ZNF704: variants seen among roughly 807,000 people sequenced by gnomAD.
The protein encoded by ZNF704 is zinc finger protein 704, also known as glucocorticoid induced gene 1.
Under a neutral mutation model 44.7 loss-of-function variants are expected in ZNF704, and 10 were observed. The ratio of observed to expected loss-of-function variants is 0.22; its 90% CI spans 0.14 to 0.38. The LOEUF (loss-of-function observed/expected upper bound fraction) is 0.38. ZNF704 is among the 10% of genes least tolerant of loss of function. The pLI is 1.00. For missense variants in ZNF704, 390 were observed against 545.5 expected (o/e 0.71, Z 2.84); for synonymous variants, 211 against 207.6 (o/e 1.02, Z -0.14).
chr8:80,671,381 A>G (rs552502218), intron 4 of ZNF704, among the ~76,000 whole-genome samples: 19 of 152,332 alleles, frequency 1.2e-4, no homozygotes, highest in Non-Finnish European at 1.9e-4. Context: ...GCCATGATTG[A>G]GAGCACTGAT....
chr8:80,739,684 A>G (rs1806723521), intron 2 of ZNF704, among the ~76,000 whole-genome samples: 1 of 152,322 alleles, frequency 6.6e-6, no homozygotes, highest in South Asian at 2.1e-4. Flanking sequence ...CCAGGGAAAA[A>G]GAAAATGACT....
intron 7 of ZNF704, chr8:80,645,050 A>G (rs916156512): frequency 1.7e-5 from 23 of 1,363,098 alleles, no homozygotes; most frequent in African/African-American, 1.4e-4. Context: ...TCCTCCATTC[A>G]GATTCAGACA....
chr8:80,740,081 C>T (rs1039965583), intron 2 of ZNF704, among the ~76,000 whole-genome samples: 7 of 152,302 alleles, frequency 4.6e-5, no homozygotes, highest in South Asian at 2.1e-4. Flanking sequence ...GACAACTGTC[C>T]TCCAGATCTG....
chr8:80,727,836 G>A (rs1471122594), intron 2 of ZNF704, among the ~76,000 whole-genome samples: 1 of 152,170 alleles, frequency 6.6e-6, no homozygotes, highest in East Asian at 1.9e-4. Context: ...TGAGGAAATG[G>A]CATTTTATTC....
At chr8:80,752,260 T>C (rs934667477) in intron 2 of ZNF704, among the ~76,000 whole-genome samples, 2 of 151,990 alleles carry the variant, frequency 1.3e-5, no homozygotes, top group African/African-American at 2.4e-5. Context: ...CAAATCAACA[T>C]TGATCTGCAA....
chr8:80,821,405 C>T lies in ZNF704; in HGVS notation c.190G>A (p.Val64Ile), dbSNP rs747888500. Residue 64 changes from valine to isoleucine, a missense_variant, in exon 2 of 9, where the codon GTT (valine) becomes ATT (isoleucine). Val to Ile is a conservative substitution (Grantham distance 29). Around this residue, in one of 3 missense-constraint regions of ZNF704, gnomAD observed 80 missense variants for 83.7 expected, o/e 0.96. Coordinates refer to ENST00000327835, the MANE Select transcript of ZNF704 (RefSeq NM_001033723.3). The stretch of plus-strand genomic sequence containing the variant: ...GGAGGAACATCAATGTTGGAGGAAA[C>T]AACTTTTCTTTTTTGCTCAAGGAGA... ...ICLLEQKRKV[V>I]SSNIDVPPAR... is the part of the protein sequence containing the mutation. The T allele has an allele frequency of 7.4e-6, 12 of 1,613,706 alleles. No homozygotes were observed. The highest frequency in any genetic ancestry group is 1.1e-5 in the South Asian group (1 of 90,900).
chr8:80,641,338 G>T lies in ZNF704; in HGVS notation c.*28C>A. On this transcript the variant is annotated 3_prime_UTR_variant, in exon 9 of 9. Coordinates refer to ENST00000327835, the MANE Select transcript of ZNF704 (RefSeq NM_001033723.3). Reference sequence around the variant, plus strand: ...CAGGCCAGGGCAGGAGCGGCTCAGGGCCCTGAGCCCCTCTGCCTGGGGGTC... The same window carrying T: ...CAGGCCAGGGCAGGAGCGGCTCAGGTCCCTGAGCCCCTCTGCCTGGGGGTC... 6.6e-7 allele frequency: 1 copy of T among 1,510,494 alleles called. No individual in the cohort carries two copies. The highest frequency in any genetic ancestry group is 9.0e-7 in the Non-Finnish European group (1 of 1,108,164). 93.6% of individuals were successfully genotyped at this position (1,510,494 alleles called of 1,614,324 possible). A position where few individuals can be genotyped will look rare whatever the true frequency, so the allele number is the denominator to read the frequency against.
At chr8:80,877,185 G>GAA (rs5892744), upstream of ZNF704, among the ~76,000 whole-genome samples, 241 of 59,706 alleles carry the variant, frequency 4.0e-3, 7 homozygotes, top group South Asian at 0.017. Context: ...CTCTGAATGG[G>GAA]AAAAAAAAAA....
In ZNF704 at chr8:80,794,163, G is replaced by T. The variant is rs138220906; in HGVS notation, c.221+27211C>A. Among the ~76,000 whole-genome samples the T allele has an allele frequency of 4.2e-3, 639 of 152,186 alleles. 9 individuals are homozygous for T. Among genetic ancestry groups the T allele is most frequent in the Admixed American group, 0.031 (475 of 15,284 alleles). ...AGGCAATGAAACTATGAATAAACGA[G>T]ATGTATATATAACCATAGAGGAAGA... is the stretch of plus-strand genomic sequence containing the variant. On this transcript the variant is annotated intron_variant, in intron 2 of 8. Transcript: ENST00000327835.
intron 2 of ZNF704, among the ~76,000 whole-genome samples, chr8:80,711,873 C>A (rs775829075): frequency 3.9e-5 from 6 of 152,140 alleles, no homozygotes; most frequent in Middle Eastern, 3.2e-3. Context: ...CTGTCTCTAT[C>A]GATGCATAAC....
At chr8:80,807,150 C>T (rs1808002728) in intron 2 of ZNF704, among the ~76,000 whole-genome samples, 1 of 152,214 alleles carries the variant, frequency 6.6e-6, no homozygotes, top group Admixed American at 6.5e-5. Context: ...ACAAGGATGG[C>T]AATAGAAGGA....
chr8:80,814,714 T>C (rs1808147123), intron 2 of ZNF704, among the ~76,000 whole-genome samples: 1 of 152,210 alleles, frequency 6.6e-6, no homozygotes, highest in African/African-American at 2.4e-5. Flanking sequence ...CTCTATTTTT[T>C]AAAAAGAAAT....
At chr8:80,669,443 T>C (rs1818245783) in intron 5 of ZNF704, among the ~76,000 whole-genome samples, 1 of 152,204 alleles carries the variant, frequency 6.6e-6, no homozygotes, top group Non-Finnish European at 1.5e-5. Flanking sequence ...CCAGGCCATA[T>C]GCTCTGGAAG....
In ZNF704 at chr8:80,761,378, C is replaced by T. The variant is rs148261877; in HGVS notation, c.221+59996G>A. Among the ~76,000 whole-genome samples, 27 of 152,278 alleles carry T rather than the reference C, an allele frequency of 1.8e-4. 1 individual carries two copies. In the East Asian group the frequency reaches 5.0e-3, roughly 28 times the overall value. ...CTTTGTGTCACAGACATTTGTGGTG[C>T]TCTCAAATAACTGGCACTAAAAATT... On this transcript the variant is annotated intron_variant, in intron 2 of 8. Transcript: ENST00000327835.
intron 2 of ZNF704, among the ~76,000 whole-genome samples, chr8:80,767,106 A>G (rs903558580): frequency 3.9e-5 from 6 of 152,108 alleles, no homozygotes; most frequent in African/African-American, 1.4e-4. Flanking sequence ...CTAAAATTTG[A>G]CCTTCTACAC....
At chr8:80,731,252 A>C (rs1177633240) in intron 2 of ZNF704, among the ~76,000 whole-genome samples, 1 of 152,188 alleles carries the variant, frequency 6.6e-6, no homozygotes, top group Non-Finnish European at 1.5e-5. Context: ...TATTATTTAA[A>C]ATACTTGCCA....
intron 2 of ZNF704, among the ~76,000 whole-genome samples, chr8:80,709,376 G>A (rs1446581438): frequency 2.7e-5 from 4 of 148,140 alleles, no homozygotes; most frequent in Middle Eastern, 3.7e-3. Flanking sequence ...CCTGGGAGGC[G>A]GAGATTGCAA....
At chr8:80,761,041 C>G (rs1018807960) in intron 2 of ZNF704, among the ~76,000 whole-genome samples, 1 of 152,106 alleles carries the variant, frequency 6.6e-6, no homozygotes, top group South Asian at 2.1e-4. Context: ...ACACTGGGGA[C>G]TACAATTCAA....
intron 2 of ZNF704, among the ~76,000 whole-genome samples, chr8:80,701,953 AG>A (rs1321896841): frequency 4.6e-5 from 7 of 152,268 alleles, no homozygotes; most frequent in African/African-American, 1.7e-4. Flanking sequence ...TGGTTCTTTG[AG>A]GAAGTTAGAG....
Sources: allele counts gnomAD v4.1 joint callset (sites outside exome capture counted in the v4.1 genomes callset), GRCh38; gene constraint gnomAD v4.1.1; regional missense constraint gnomAD v4.1.1; transcripts MANE v1.5; gene names NCBI Gene and HGNC (gene_info 2026-07-23, HGNC 2026-07-21).